ARFGEF2: variants seen among roughly 807,000 people sequenced by gnomAD.
ARFGEF2 encodes the protein ARF guanine nucleotide exchange factor 2.
ARFGEF2 carries 74 observed loss-of-function variants against 219.9 expected under a neutral mutation model. That is an observed-to-expected ratio of 0.34 (90% CI 0.28 to 0.41). ARFGEF2 has a LOEUF of 0.41. Ranked by LOEUF, ARFGEF2 falls within the 10% of genes least tolerant of loss-of-function variation. ARFGEF2 has a pLI of 1.00. For synonymous variants in ARFGEF2, 733 were observed against 799.2 expected (o/e 0.92, Z 1.40); for missense variants, 1,743 against 2,218.3 (o/e 0.79, Z 4.30).
At chr20:48,952,102 A>G (rs1387441878) in intron 4 of ARFGEF2, among the ~76,000 whole-genome samples, 1 of 135,394 alleles carries the variant, frequency 7.4e-6, no homozygotes, top group Non-Finnish European at 1.6e-5. Context: ...TGTCTGTATT[A>G]TTCATTTTAG....
chr20:48,975,656 C>T lies in ARFGEF2; in HGVS notation c.1775-360C>T, dbSNP rs140547895. Among the ~76,000 whole-genome samples the T allele has an allele frequency of 1.8e-4, 28 of 151,872 alleles. No individual in the cohort carries two copies. In the East Asian group the frequency reaches 5.4e-3, roughly 29 times the overall value. ...CTCTACTAAAAATACAAAAAATTAG[C>T]CGGGTGTGGTGGCAGGCGCCTGTAA... On this transcript the variant is annotated intron_variant, in intron 13 of 38. Coordinates refer to ENST00000371917, the MANE Select transcript of ARFGEF2 (RefSeq NM_006420.3).
chr20:49,004,524 G>A (rs1475920100), intron 25 of ARFGEF2, among the ~76,000 whole-genome samples: 1 of 151,910 alleles, frequency 6.6e-6, no homozygotes, highest in African/African-American at 2.4e-5. Flanking sequence ...AAAATAGGTT[G>A]GGCGCGGTGG....
At chr20:48,961,028 C>T (rs1273692617) in intron 6 of ARFGEF2, among the ~76,000 whole-genome samples, 1 of 150,126 alleles carries the variant, frequency 6.7e-6, no homozygotes, top group Non-Finnish European at 1.5e-5. Context: ...TGCAGTGAAC[C>T]GAGATTGTGC....
At chr20:49,005,295 C>A (rs1042259779) in intron 26 of ARFGEF2, 74 bp downstream of exon 26, 1 of 1,572,558 alleles carries the variant, frequency 6.4e-7, no homozygotes, top group African/African-American at 1.3e-5. Context: ...TAACACTAAC[C>A]ACATGATTAA....
chr20:49,009,019 TATC>T (rs766391109), intron 26 of ARFGEF2, among the ~76,000 whole-genome samples: 2 of 152,228 alleles, frequency 1.3e-5, no homozygotes, highest in Non-Finnish European at 2.9e-5. Flanking sequence ...AATTTTTTTT[TATC>T]ATACTTTTTC....
Position 48,991,159 on chromosome 20 carries a change from T to C in ARFGEF2, c.2934T>C (p.Ala978=). 1 of 1,614,206 alleles carries C rather than the reference T, an allele frequency of 6.2e-7. No homozygotes were observed. Among genetic ancestry groups the C allele is most frequent in the Non-Finnish European group, 8.5e-7 (1 of 1,180,034 alleles). ...IDTIKTLITV[A]HTDGNYLGNS... The stretch of plus-strand genomic sequence containing the variant: ...CCATTAAGACGCTTATCACAGTGGC[T>C]CACACCGATGGCAACTACCTTGGGA... Residue 978 remains alanine (A), a synonymous_variant, in exon 21 of 39, where the codon GCT becomes GCC. Coordinates refer to ENST00000371917, the MANE Select transcript of ARFGEF2 (RefSeq NM_006420.3).
At chr20:49,000,322 G>C (rs1039625619) in intron 25 of ARFGEF2, among the ~76,000 whole-genome samples, 1 of 152,192 alleles carries the variant, frequency 6.6e-6, no homozygotes, top group Non-Finnish European at 1.5e-5. Flanking sequence ...GGACAGATGA[G>C]ACCCCTGCCT....
chr20:48,951,275 A>G (rs762696737), intron 3 of ARFGEF2, 48 bp from the exon 4 acceptor site: 2 of 1,609,374 alleles, frequency 1.2e-6, no homozygotes, highest in Non-Finnish European at 1.7e-6. Context: ...GGAAGGCCTC[A>G]GTCCTAGCCA....
intron 23 of ARFGEF2, 179 bp from the exon 24 acceptor site, chr20:48,998,014 C>T (rs534918313): frequency 1.6e-5 from 10 of 614,296 alleles, no homozygotes; most frequent in South Asian, 7.0e-5. Flanking sequence ...CCCGCCACCA[C>T]GCCCAGCTAA....
intron 32 of ARFGEF2, 33 bp downstream of exon 32, chr20:49,017,420 C>T: frequency 6.2e-7 from 1 of 1,613,890 alleles, no homozygotes; most frequent in East Asian, 2.2e-5. Context: ...CCGTTTATCT[C>T]TGTGTTCAGT....
rs150273470 is a variant in ARFGEF2, at chr20:49,012,050, G to A, written c.3884G>A (p.Arg1295His). 9.9e-6 allele frequency: 16 copies of A among 1,614,090 alleles called. No homozygotes were observed. Among genetic ancestry groups the A allele is most frequent in the South Asian group, 2.2e-5 (2 of 91,076 alleles). The part of the protein sequence containing the change: ...DTSMEAIRLI[R>H]FCGKYVSERP... ...AGCATGGAAGCGATTCGGCTCATCCGCTTCTGTGGCAAATACGTCTCTGAG... is the reference window on the plus strand; with the variant it reads ...AGCATGGAAGCGATTCGGCTCATCCACTTCTGTGGCAAATACGTCTCTGAG... The change falls in exon 28 of 39, where the codon CGC (arginine) becomes CAC (histidine). Residue 1295 changes from arginine (R) to histidine (H), a missense_variant. By Grantham distance (29) the Arg-to-His change is conservative (BLOSUM62 0). Transcript: ENST00000371917.
At chr20:49,027,172 G>A (rs777165927) in intron 36 of ARFGEF2, among the ~76,000 whole-genome samples, 6 of 151,412 alleles carry the variant, frequency 4.0e-5, no homozygotes, top group Non-Finnish European at 8.8e-5. Flanking sequence ...GCAACCTCTA[G>A]CCTCCTGGGT....
chr20:49,017,594 T>C (rs958099846), intron 33 of ARFGEF2, 44 bp downstream of exon 33: 3 of 1,603,672 alleles, frequency 1.9e-6, no homozygotes, highest in African/African-American at 1.3e-5. Flanking sequence ...CTTTTTTCTA[T>C]CTTAGTAAAA....
At position 48,953,766 on chromosome 20, in the gene ARFGEF2, A is replaced by G. The variant is rs1043533503; in HGVS notation, c.814A>G (p.Arg272Gly). 9 of 1,613,974 alleles carry G rather than the reference A, an allele frequency of 5.6e-6. No individual in the cohort carries two copies. The African/African-American group carries it at 1.2e-4, about 22-fold the overall frequency. ...KVSTENGDAPRERGSSLSGTD... is the reference protein window; with the variant it reads ...KVSTENGDAPGERGSSLSGTD... The stretch of plus-strand genomic sequence containing the variant: ...AAGCACAGAAAATGGAGACGCACCC[A>G]GAGAAAGAGGCTCATCACTGTCAGG... The change falls in exon 6 of 39, where the codon AGA becomes GGA. Residue 272 changes from arginine to glycine, a missense_variant. Transcript: ENST00000371917.
At chr20:48,997,620 T>A (rs2091400138) in intron 23 of ARFGEF2, among the ~76,000 whole-genome samples, 1 of 152,154 alleles carries the variant, frequency 6.6e-6, no homozygotes, top group Non-Finnish European at 1.5e-5. Context: ...ACTATAGGTT[T>A]TTCTGCTTTC....
In ARFGEF2 at chr20:48,988,599, G is replaced by A. The variant is rs1600636781; in HGVS notation, c.2470G>A (p.Gly824Ser). 6.2e-7 allele frequency: 1 copy of A among 1,613,774 alleles called. No homozygotes were observed. Among genetic ancestry groups the A allele is most frequent in the Non-Finnish European group, 8.5e-7 (1 of 1,179,888 alleles). ...YLSSIYEEIE[G>S]KKIAMKETKE... ...CTCAAGCATCTATGAAGAGATAGAA[G>A]GCAAGAAAATTGCAATGAAAGAAAC... The change falls in exon 18 of 39, where the codon GGC becomes AGC. Residue 824 changes from glycine (G) to serine (S), a missense_variant. Physicochemically the swap from Gly to Ser is moderately conservative, Grantham distance 56. Coordinates refer to ENST00000371917, the MANE Select transcript of ARFGEF2 (RefSeq NM_006420.3).
intron 1 of ARFGEF2, among the ~76,000 whole-genome samples, chr20:48,938,967 G>GTTTTTTTTTTTTTTTTTTTT (rs199950635): frequency 2.1e-5 from 3 of 143,110 alleles, no homozygotes; most frequent in Non-Finnish European, 3.0e-5. Flanking sequence ...TGTTTTATGG[G>GTTTTTTTTTTTTTTTTTTTT]TTTTTTTTGT....
In ARFGEF2 at chr20:48,985,537, C is replaced by T. The variant is rs1034727363; in HGVS notation, c.2200C>T (p.Arg734Cys). 14 of 1,614,050 alleles carry T rather than the reference C, an allele frequency of 8.7e-6. No individual in the cohort carries two copies. Among genetic ancestry groups the T allele is most frequent in the Admixed American group, 1.7e-5 (1 of 59,988 alleles). ...SALRTFLEGF[R>C]LPGEAQKIDR... Reference sequence around the variant, plus strand: ...CCTGCGGACATTCCTAGAAGGTTTCCGCCTACCTGGAGAAGCCCAAAAGAT... The same window carrying T: ...CCTGCGGACATTCCTAGAAGGTTTCTGCCTACCTGGAGAAGCCCAAAAGAT... The change falls in exon 16 of 39, where the codon CGC (arginine) becomes TGC (cysteine). Residue 734 changes from arginine (R) to cysteine (C), a missense_variant. Arg to Cys is a radical substitution (Grantham distance 180, BLOSUM62 -3). Coordinates refer to ENST00000371917, the MANE Select transcript of ARFGEF2 (RefSeq NM_006420.3).
chr20:48,949,915 C>T (rs1446898976), intron 3 of ARFGEF2, among the ~76,000 whole-genome samples: 1 of 152,110 alleles, frequency 6.6e-6, no homozygotes, highest in South Asian at 2.1e-4. Context: ...ATGAGTGATT[C>T]TTTTATCTGA....
Sources: allele counts gnomAD v4.1 joint callset (sites outside exome capture counted in the v4.1 genomes callset), GRCh38; gene constraint gnomAD v4.1.1; transcripts MANE v1.5; gene names NCBI Gene and HGNC (gene_info 2026-07-23, HGNC 2026-07-21).